Variants in IFT57 observed in about 807,000 individuals in gnomAD.
IFT57 encodes the protein intraflagellar transport protein 57 homolog.
Under a neutral mutation model 56.8 loss-of-function variants are expected in IFT57, and 59 were observed. That is an observed-to-expected ratio of 1.04 (90% CI 0.84 to 1.29). The LOEUF is 1.29. Among genes scored for constraint, IFT57 ranks in the 50% most tolerant of loss-of-function variants. The probability of loss-of-function intolerance (pLI) is 0.00; values close to 1 mark genes in which losing one functional copy is unlikely to be tolerated. For missense variants in IFT57, 470 were observed against 522.1 expected (o/e 0.90, Z 0.97); for synonymous variants, 209 against 186.1 (o/e 1.12, Z -1.00).
Position 108,207,766 on chromosome 3 carries a change from G to A in IFT57, c.586-1070C>T, listed in dbSNP as rs367869519. Among the ~76,000 whole-genome samples, 34 of 152,066 alleles carry A rather than the reference G, an allele frequency of 2.2e-4. 1 individual carries two copies. The highest frequency in any genetic ancestry group is 8.3e-4 in the South Asian group (4 of 4,824). The stretch of plus-strand genomic sequence containing the variant: ...TCCTCAGAAACTATGGGGGTTGGCC[G>A]GGCGCGATGGCTCACGCTTGTAATC... On this transcript the variant is annotated intron_variant, in intron 4 of 10. Transcript: ENST00000264538.
At chr3:108,194,396 T>C (rs1339071353) in intron 5 of IFT57, among the ~76,000 whole-genome samples, 1 of 151,942 alleles carries the variant, frequency 6.6e-6, no homozygotes, top group Non-Finnish European at 1.5e-5. Context: ...GAAAAATAAA[T>C]ATTATTAAAC....
intron 6 of IFT57, among the ~76,000 whole-genome samples, chr3:108,177,411 A>G (rs554218797): frequency 1.1e-4 from 17 of 151,954 alleles, no homozygotes; most frequent in African/African-American, 4.1e-4. Flanking sequence ...CTAAAAACAA[A>G]CAAAAATTAC....
At chr3:108,171,482 C>T (rs991224454) in intron 6 of IFT57, among the ~76,000 whole-genome samples, 4 of 151,838 alleles carry the variant, frequency 2.6e-5, no homozygotes, top group African/African-American at 7.2e-5. Flanking sequence ...CAAAAAGTAT[C>T]GCAGAATTGG....
chr3:108,213,940 T>C lies in IFT57; in HGVS notation c.576A>G (p.Glu192=). The C allele has an allele frequency of 6.2e-7, 1 of 1,601,254 alleles. No individual in the cohort carries two copies. The highest frequency in any genetic ancestry group is 2.2e-5 in the East Asian group (1 of 44,696). The change falls in exon 4 of 11, where the codon GAA becomes GAG. Residue 192 remains glutamate, a synonymous_variant. Coordinates refer to ENST00000264538, the MANE Select transcript of IFT57 (RefSeq NM_018010.4). ...TCAGCTACACACATACCACAAATTCTTCATCCACTTTATTTAATGTTAATT... is the reference window on the plus strand; with the variant it reads ...TCAGCTACACACATACCACAAATTCCTCATCCACTTTATTTAATGTTAATT... ...DAELTLNKVD[E]EFVEEETDNE... is the part of the protein sequence containing the mutation.
At chr3:108,176,543 G>A (rs1378117624) in intron 6 of IFT57, among the ~76,000 whole-genome samples, 2 of 151,830 alleles carry the variant, frequency 1.3e-5, no homozygotes, top group Non-Finnish European at 2.9e-5. Context: ...TTAAATGAAT[G>A]TTTATTATCC....
intron 4 of IFT57, among the ~76,000 whole-genome samples, chr3:108,211,078 A>G (rs1235183313): frequency 6.6e-6 from 1 of 152,236 alleles, no homozygotes; most frequent in Non-Finnish European, 1.5e-5. Context: ...AGTATGTACT[A>G]TGCACCAGGC....
At chr3:108,208,570 G>A (rs2080326539) in intron 4 of IFT57, among the ~76,000 whole-genome samples, 1 of 152,172 alleles carries the variant, frequency 6.6e-6, no homozygotes, top group South Asian at 2.1e-4. Flanking sequence ...AGGAATCAAG[G>A]GGTGGAAATG....
chr3:108,213,880 G>T, intron 4 of IFT57, 51 bp downstream of exon 4: 1 of 1,019,550 alleles, frequency 9.8e-7, no homozygotes, highest in Non-Finnish European at 1.5e-6. Flanking sequence ...TTAAGAGAAT[G>T]GGAAGTGGCC....
intron 6 of IFT57, among the ~76,000 whole-genome samples, chr3:108,183,209 C>T (rs751733218): frequency 2.3e-4 from 35 of 151,986 alleles, no homozygotes; most frequent in Non-Finnish European, 4.0e-4. Context: ...AAATCATGCT[C>T]TTCATGAAGA....
At chr3:108,185,524 T>G (rs1038526093) in intron 6 of IFT57, among the ~76,000 whole-genome samples, 1 of 151,652 alleles carries the variant, frequency 6.6e-6, no homozygotes, top group African/African-American at 2.4e-5. Context: ...ACGAAGACAT[T>G]TATTACTAAG....
intron 6 of IFT57, among the ~76,000 whole-genome samples, chr3:108,169,057 G>A (rs1364006133): frequency 6.6e-6 from 1 of 152,124 alleles, no homozygotes; most frequent in East Asian, 1.9e-4. Context: ...CTAGATCCTT[G>A]AAGAATTGCC....
At position 108,222,417 on chromosome 3, in the gene IFT57, T is replaced by C. The variant is rs1157538904; in HGVS notation, c.-95A>G. On this transcript the variant is annotated 5_prime_UTR_variant, in exon 1 of 11. Transcript: ENST00000264538. ...CGCCGCCAGTACAGCCACGACCGGT[T>C]ACCAGGCGACCACCGGACAATCCGT... The C allele has an allele frequency of 3.0e-5, 28 of 930,080 alleles. No homozygotes were observed. The highest frequency in any genetic ancestry group is 4.3e-5 in the Non-Finnish European group (28 of 655,232). The allele number at this position is 930,080 out of a possible 1,614,324, so 57.6% of individuals were successfully genotyped here.
At chr3:108,163,218 A>G (rs2080043796) in intron 10 of IFT57, among the ~76,000 whole-genome samples, 1 of 152,078 alleles carries the variant, frequency 6.6e-6, no homozygotes, top group African/African-American at 2.4e-5. Flanking sequence ...ATTCTTCTCT[A>G]TTTGACCCCT....
intron 5 of IFT57, among the ~76,000 whole-genome samples, chr3:108,198,185 T>C (rs947348427): frequency 4.6e-5 from 7 of 152,232 alleles, no homozygotes; most frequent in Non-Finnish European, 1.0e-4. Context: ...AGTGTTACTC[T>C]AGAGCACAAG....
Position 108,214,017 on chromosome 3 carries a change from T to C in IFT57, c.499A>G (p.Ile167Val), listed in dbSNP as rs748875077. The C allele has an allele frequency of 6.3e-7, 1 of 1,580,284 alleles. No individual in the cohort carries two copies. Among genetic ancestry groups the C allele is most frequent in the Non-Finnish European group, 8.7e-7 (1 of 1,150,102 alleles). The change falls in exon 4 of 11, where the codon ATA becomes GTA. Residue 167 changes from isoleucine to valine, a missense_variant. Transcript: ENST00000264538. ...TCTTCTAATTCTTCTACTGGGTATA[T>C]TGGCCTAAAATAATAAGATTAAACA... is the stretch of plus-strand genomic sequence containing the variant. ...KYIGFTWKRP[I>V]YPVEELEEES... is the part of the protein sequence containing the mutation.
At position 108,169,335 on chromosome 3, in the gene IFT57, G is replaced by GT. The variant is rs993524280; in HGVS notation, c.778-1472dup. Among the ~76,000 whole-genome samples, 424 of 148,486 alleles carry GT rather than the reference G, an allele frequency of 2.9e-3. 4 individuals carry two copies. Among genetic ancestry groups the GT allele is most frequent in the African/African-American group, 8.9e-3 (362 of 40,660 alleles). ...ATATCCTTTGCCCACTTTTTGATGG[G>GT]TTTTTTTTTTCTTGTAATTTGTCTA... On this transcript the variant is annotated intron_variant, in intron 6 of 10. Coordinates refer to ENST00000264538, the MANE Select transcript of IFT57 (RefSeq NM_018010.4).
intron 6 of IFT57, among the ~76,000 whole-genome samples, chr3:108,172,366 A>G (rs28599946): frequency 0.096 from 14,645 of 151,884 alleles, 773 homozygotes; most frequent in Middle Eastern, 0.12. Context: ...AGCTGGAGAG[A>G]GAGGTTCAAT....
At chr3:108,175,203 T>G (rs2080117778) in intron 6 of IFT57, among the ~76,000 whole-genome samples, 1 of 151,840 alleles carries the variant, frequency 6.6e-6, no homozygotes, top group African/African-American at 2.4e-5. Context: ...ACGTGTTCAT[T>G]AGGCATCATT....
At chr3:108,194,969 G>A (rs1256161711) in intron 5 of IFT57, among the ~76,000 whole-genome samples, 1 of 152,042 alleles carries the variant, frequency 6.6e-6, no homozygotes, top group African/African-American at 2.4e-5. Context: ...ATGGACAAAT[G>A]GGATCATGTC....
Sources: allele counts gnomAD v4.1 joint callset (sites outside exome capture counted in the v4.1 genomes callset), GRCh38; gene constraint gnomAD v4.1.1; transcripts MANE v1.5; gene names NCBI Gene and HGNC (gene_info 2026-07-23, HGNC 2026-07-21).